GRIA1: variants seen among roughly 807,000 people sequenced by gnomAD.
The protein encoded by GRIA1 is glutamate ionotropic receptor AMPA type subunit 1, also known as glutamate receptor 1.
In GRIA1, 31 loss-of-function variants were observed where a neutral mutation model predicts 99.2. That is an observed-to-expected ratio of 0.31 (90% CI 0.23 to 0.42). The LOEUF (loss-of-function observed/expected upper bound fraction) is 0.42, where lower values mean the gene tolerates loss of function less well. GRIA1 is among the 10% of genes least tolerant of loss of function. The probability of loss-of-function intolerance (pLI) is 1.00; values close to 1 mark genes in which losing one functional copy is unlikely to be tolerated. For synonymous variants in GRIA1, 438 were observed against 432.4 expected (o/e 1.01, Z -0.16); for missense variants, 782 against 1,157.5 (o/e 0.68, Z 4.71).
chr5:153,734,473 T>C (rs1432185491), intron 11 of GRIA1, among the ~76,000 whole-genome samples: 1 of 152,226 alleles, frequency 6.6e-6, no homozygotes, highest in Non-Finnish European at 1.5e-5. Context: ...TGCCTGTCTG[T>C]AGTGCAGGAG....
intron 13 of GRIA1, among the ~76,000 whole-genome samples, chr5:153,785,150 T>C (rs989020451): frequency 3.9e-5 from 6 of 152,166 alleles, no homozygotes; most frequent in Admixed American, 6.5e-5. Context: ...AAAGGTGAAC[T>C]GGATCTTCTT....
rs372029666 is a variant in GRIA1, at chr5:153,794,750, GAA to G, written c.2385+25_2385+26del. 1.1e-5 allele frequency: 13 copies of G among 1,231,676 alleles called. No individual in the cohort carries two copies. Among genetic ancestry groups the G allele is most frequent in the Admixed American group, 2.3e-5 (1 of 42,920 alleles). 76.3% of individuals were successfully genotyped at this position (1,231,676 alleles called of 1,614,324 possible). A position where few individuals can be genotyped will look rare whatever the true frequency, so the allele number is the denominator to read the frequency against. On this transcript the variant is annotated intron_variant, in intron 14 of 15. Transcript: ENST00000285900. Reference sequence around the variant, plus strand: ...GTGATTCCAAGGTCAGCCCCAGTAAGAAAAAAAAAAACCTAGTGGGTATGAAA... The same window carrying G: ...GTGATTCCAAGGTCAGCCCCAGTAAGAAAAAAAAACCTAGTGGGTATGAAA...
At chr5:153,752,711 A>G (rs1261902306) in intron 11 of GRIA1, among the ~76,000 whole-genome samples, 2 of 152,206 alleles carry the variant, frequency 1.3e-5, no homozygotes. Context: ...AAGTAAATGA[A>G]TAAATAGTAT....
intron 8 of GRIA1, among the ~76,000 whole-genome samples, chr5:153,687,035 TC>T (rs59367883): frequency 0.094 from 14,210 of 151,914 alleles, 796 homozygotes; most frequent in African/African-American, 0.15. Context: ...TGGGACTTCC[TC>T]CCCCCATCTC....
chr5:153,752,286 T>C (rs1422516379), intron 11 of GRIA1, among the ~76,000 whole-genome samples: 1 of 152,128 alleles, frequency 6.6e-6, no homozygotes, highest in Non-Finnish European at 1.5e-5. Flanking sequence ...ACCTGTCTGC[T>C]TGGTGATCTC....
In GRIA1 at chr5:153,663,938, C is replaced by T. The variant is rs1755558831; in HGVS notation, c.699+8066C>T. On this transcript the variant is annotated intron_variant, in intron 5 of 15. Coordinates refer to ENST00000285900, the MANE Select transcript of GRIA1 (RefSeq NM_000827.4). ...TAGGCTGATTTGGAATGGCCTTTTT[C>T]ATGCTGGGTCAGCATCCTTTGGACC... Among the ~76,000 whole-genome samples, 3 of 152,196 alleles carry T rather than the reference C, an allele frequency of 2.0e-5. No individual in the cohort carries two copies. In the South Asian group the frequency reaches 6.2e-4, roughly 32 times the overall value.
At chr5:153,804,145 C>T (rs1412585947) in intron 15 of GRIA1, among the ~76,000 whole-genome samples, 1 of 152,146 alleles carries the variant, frequency 6.6e-6, no homozygotes, top group African/African-American at 2.4e-5. Flanking sequence ...CTCCAAGACA[C>T]AACAAGGAAC....
At chr5:153,578,428 C>T (rs34714217) in intron 2 of GRIA1, among the ~76,000 whole-genome samples, 16,161 of 152,056 alleles carry the variant, frequency 0.11, 959 homozygotes, top group South Asian at 0.25. Flanking sequence ...GAAGGACAAC[C>T]AGGGTAGCTG....
At chr5:153,554,782 C>A (rs1760472624) in intron 2 of GRIA1, among the ~76,000 whole-genome samples, 1 of 152,220 alleles carries the variant, frequency 6.6e-6, no homozygotes, top group Non-Finnish European at 1.5e-5. Flanking sequence ...GCATGAGCCA[C>A]TGCACCTGGC....
At chr5:153,804,597 C>G (rs898972357) in intron 15 of GRIA1, among the ~76,000 whole-genome samples, 1 of 152,162 alleles carries the variant, frequency 6.6e-6, no homozygotes, top group African/African-American at 2.4e-5. Flanking sequence ...GTCTAAGACA[C>G]AGTACAGCAT....
intron 11 of GRIA1, among the ~76,000 whole-genome samples, chr5:153,725,074 G>A (rs1760408996): frequency 6.6e-6 from 1 of 152,146 alleles, no homozygotes; most frequent in Non-Finnish European, 1.5e-5. Context: ...CAAGCCAGAA[G>A]CGACTGGGGG....
At chr5:153,695,247 A>T (rs1309971259) in intron 8 of GRIA1, among the ~76,000 whole-genome samples, 1 of 152,234 alleles carries the variant, frequency 6.6e-6, no homozygotes, top group Non-Finnish European at 1.5e-5. Flanking sequence ...TAAAGATGTT[A>T]TAAAAGTACT....
chr5:153,639,267 C>T (rs749497633), intron 2 of GRIA1, among the ~76,000 whole-genome samples: 76 of 152,220 alleles, frequency 5.0e-4, no homozygotes, highest in Non-Finnish European at 9.0e-4. Context: ...GCCCTCCAGG[C>T]ACCCATGCCA....
At position 153,695,590 on chromosome 5, in the gene GRIA1, C is replaced by T. The variant is rs150364134; in HGVS notation, c.1135-2454C>T. On this transcript the variant is annotated intron_variant, in intron 8 of 15. Transcript: ENST00000285900. ...TCTTGAGCAAATTCTGTGGTCTCTG[C>T]GCCTCTGCTTCTCCCTGTGAAAAAG... Among the ~76,000 whole-genome samples, 533 of 152,300 alleles carry T rather than the reference C, an allele frequency of 3.5e-3. 5 individuals are homozygous for T. The highest frequency in any genetic ancestry group is 0.012 in the African/African-American group (518 of 41,558).
chr5:153,539,579 G>T (rs1185641030), intron 2 of GRIA1, among the ~76,000 whole-genome samples: 7 of 152,160 alleles, frequency 4.6e-5, no homozygotes, highest in East Asian at 1.9e-4. Flanking sequence ...ACCTCAATTT[G>T]TACATATGTA....
rs1404729528 is a variant in GRIA1, at chr5:153,690,451, T to C, written c.1134+4122T>C. Among the ~76,000 whole-genome samples, 3 of 152,128 alleles carry C rather than the reference T, an allele frequency of 2.0e-5. No homozygotes were observed. In the East Asian group the frequency reaches 5.8e-4, roughly 29 times the overall value. On this transcript the variant is annotated intron_variant, in intron 8 of 15. Transcript: ENST00000285900. ...CATTACATCATCTCTAAAAGGGTGG[T>C]AATACTCTTTGCCTCCCAGGATCAC...
At chr5:153,545,352 G>A (rs984455754) in intron 2 of GRIA1, among the ~76,000 whole-genome samples, 4 of 152,172 alleles carry the variant, frequency 2.6e-5, no homozygotes, top group Non-Finnish European at 4.4e-5. Context: ...TATGTACAAT[G>A]CAGAAGGAGG....
intron 2 of GRIA1, among the ~76,000 whole-genome samples, chr5:153,580,879 G>T (rs974286413): frequency 6.6e-5 from 10 of 152,114 alleles, no homozygotes; most frequent in African/African-American, 2.4e-4. Flanking sequence ...CTGCTCAGTG[G>T]GACGTCTCTG....
At chr5:153,705,662 ATTT>A (rs70978505) in intron 10 of GRIA1, 32 bp from the exon 11 acceptor site, 9,070 of 749,580 alleles carry the variant, frequency 0.012, 3 homozygotes, top group Non-Finnish European at 0.014. Context: ...GCTCACCTGC[ATTT>A]TTTTTTTTTT....
Sources: allele counts gnomAD v4.1 joint callset (sites outside exome capture counted in the v4.1 genomes callset), GRCh38; gene constraint gnomAD v4.1.1; transcripts MANE v1.5; gene names NCBI Gene and HGNC (gene_info 2026-07-23, HGNC 2026-07-21).